The following GPHN variants were observed in gnomAD, a reference collection of about 807,000 sequenced individuals.
GPHN encodes gephyrin.
A neutral mutation model predicts 95.5 loss-of-function variants in GPHN; 17 were observed. The observed-to-expected ratio is 0.18, with a 90% CI of 0.12 to 0.27. GPHN has a LOEUF of 0.27. Ranked by LOEUF, GPHN falls within the 10% of genes least tolerant of loss-of-function variation. The pLI is 1.00. For missense variants in GPHN, 660 were observed against 978.1 expected (o/e 0.67, Z 4.34); for synonymous variants, 320 against 322.5 (o/e 0.99, Z 0.08).
At chr14:67,497,220 G>T in the GPHN span, among the ~76,000 whole-genome samples, 2 of 152,124 alleles carry the variant, frequency 1.3e-5, no homozygotes, top group Admixed American at 1.3e-4. Context: ...GGTTGTCTGG[G>T]GTCACGGGAG....
chr14:67,583,916 C>T, the GPHN span: 1 of 1,611,948 alleles, frequency 6.2e-7, no homozygotes. Context: ...CAGCAAGTCA[C>T]TGTGGGGAGG....
intron 2 of GPHN, among the ~76,000 whole-genome samples, chr14:66,767,859 T>A (rs1244495202): frequency 6.6e-6 from 1 of 151,974 alleles, no homozygotes; most frequent in Non-Finnish European, 1.5e-5. Context: ...ATAATTGCAG[T>A]TATCAATAGT....
the GPHN span, among the ~76,000 whole-genome samples, chr14:67,595,827 G>A: frequency 1.3e-5 from 2 of 152,204 alleles, no homozygotes; most frequent in African/African-American, 4.8e-5. Flanking sequence ...CACTAAGGGT[G>A]TCAGCAGTAA....
At position 66,755,001 on chromosome 14, in the gene GPHN, C is replaced by G. The variant is rs112431702; in HGVS notation, c.144-21463C>G. Among the ~76,000 whole-genome samples the G allele has an allele frequency of 3.1e-3, 467 of 152,136 alleles. 10 individuals are homozygous for G. Among genetic ancestry groups the G allele is most frequent in the African/African-American group, 0.011 (442 of 41,548 alleles). On this transcript the variant is annotated intron_variant, in intron 2 of 22. Transcript: ENST00000478722. ...TCCTGCACTCAAATAAAACATTAAT[C>G]AGCAGAACTTAAATAAAAATATATG...
chr14:67,292,948 A>G, the GPHN span, among the ~76,000 whole-genome samples: 1 of 152,190 alleles, frequency 6.6e-6, no homozygotes, highest in African/African-American at 2.4e-5. Context: ...TTTTTTATAT[A>G]TAATCATAAA....
the GPHN span, among the ~76,000 whole-genome samples, chr14:67,294,142 T>C: frequency 2.6e-5 from 4 of 152,200 alleles, no homozygotes; most frequent in South Asian, 8.3e-4. Flanking sequence ...TATGTGAATA[T>C]AGGATAGTTC....
At chr14:67,690,641 A>G in the GPHN span, 1 of 521,448 alleles carries the variant, frequency 1.9e-6, no homozygotes, top group Non-Finnish European at 3.4e-6. Flanking sequence ...GGTCTAGACT[A>G]TGTGAATATG....
At chr14:67,150,301 C>T (rs1388201359) in intron 18 of GPHN, among the ~76,000 whole-genome samples, 3 of 150,772 alleles carry the variant, frequency 2.0e-5, no homozygotes, top group Non-Finnish European at 4.4e-5. Context: ...AATAGCCGGG[C>T]GTAGTGGCGG....
intron 20 of GPHN, among the ~76,000 whole-genome samples, chr14:67,165,705 G>A (rs746534913): frequency 3.9e-5 from 6 of 152,292 alleles, no homozygotes; most frequent in Non-Finnish European, 7.3e-5. Flanking sequence ...CTGGTTGAGG[G>A]GAGGGGGAAG....
intron 8 of GPHN, among the ~76,000 whole-genome samples, chr14:66,960,610 A>G (rs2068836749): frequency 6.6e-6 from 1 of 152,152 alleles, no homozygotes; most frequent in Non-Finnish European, 1.5e-5. Context: ...AACAAAACAA[A>G]CAAATCAGAG....
At chr14:67,705,055 G>A in the GPHN span, among the ~76,000 whole-genome samples, 4 of 152,196 alleles carry the variant, frequency 2.6e-5, no homozygotes, top group Non-Finnish European at 4.4e-5. Context: ...AGGCTGTTGA[G>A]GCAGAAATAA....
the GPHN span, chr14:67,645,783 T>C: frequency 6.2e-7 from 1 of 1,613,960 alleles, no homozygotes; most frequent in Non-Finnish European, 8.5e-7. Flanking sequence ...TCATTTCTCC[T>C]CAGAGAACTA....
the GPHN span, among the ~76,000 whole-genome samples, chr14:67,281,047 T>C: frequency 6.6e-6 from 1 of 151,764 alleles, no homozygotes; most frequent in Non-Finnish European, 1.5e-5. Context: ...TACAGGCATG[T>C]GCCACCACAC....
At chr14:66,936,207 C>T (rs779143045) in intron 8 of GPHN, among the ~76,000 whole-genome samples, 1 of 151,978 alleles carries the variant, frequency 6.6e-6, no homozygotes, top group Non-Finnish European at 1.5e-5. Flanking sequence ...AGTGAAATCT[C>T]GTCTCTACTA....
the GPHN span, chr14:67,533,440 G>C: frequency 2.0e-5 from 3 of 152,186 alleles, no homozygotes; most frequent in Non-Finnish European, 4.4e-5. Context: ...GGCTGGGGCT[G>C]CGCCGCGGCG....
chr14:67,156,792 C>T (rs188890808), intron 18 of GPHN, among the ~76,000 whole-genome samples: 189 of 152,038 alleles, frequency 1.2e-3, no homozygotes, highest in African/African-American at 4.2e-3. Flanking sequence ...GCCTAACCAA[C>T]GTAATGAAAC....
chr14:67,297,967 A>T, the GPHN span, among the ~76,000 whole-genome samples: 1 of 152,202 alleles, frequency 6.6e-6, no homozygotes, highest in African/African-American at 2.4e-5. Context: ...CAATTCAGGT[A>T]GCTGAGACAG....
intron 5 of GPHN, among the ~76,000 whole-genome samples, chr14:66,883,387 C>T (rs567234746): frequency 3.9e-5 from 6 of 151,928 alleles, no homozygotes; most frequent in East Asian, 3.9e-4. Flanking sequence ...CATTTCTCTA[C>T]TAAGAACTTG....
the GPHN span, chr14:67,334,316 A>AAACTT: frequency 6.6e-6 from 1 of 152,634 alleles, no homozygotes; most frequent in Non-Finnish European, 1.5e-5. Context: ...ATTGGCATGG[A>AAACTT]AACTTAATTT....
Sources: allele counts gnomAD v4.1 joint callset (sites outside exome capture counted in the v4.1 genomes callset), GRCh38; gene constraint gnomAD v4.1.1; transcripts MANE v1.5; gene names NCBI Gene and HGNC (gene_info 2026-07-23, HGNC 2026-07-21).